MACROD2: variants seen among roughly 807,000 people sequenced by gnomAD.
MACROD2 encodes ADP-ribose glycohydrolase MACROD2.
A neutral mutation model predicts 70.4 loss-of-function variants in MACROD2; 36 were observed. The observed-to-expected ratio is 0.51, with a 90% CI of 0.39 to 0.68. MACROD2 has a LOEUF of 0.68. Among genes scored for constraint, MACROD2 ranks in the 30% least tolerant of loss-of-function variants. The probability of loss-of-function intolerance (pLI) is 0.00; values close to 1 mark genes in which losing one functional copy is unlikely to be tolerated. For missense variants in MACROD2, 496 were observed against 538.4 expected, an observed-to-expected ratio of 0.92 and a Z score of 0.78; for synonymous variants, 172 against 178.8, an observed-to-expected ratio of 0.96 and a Z score of 0.30.
chr20:14,299,772 A>G (rs2082459255), intron 3 of MACROD2, among the ~76,000 whole-genome samples: 1 of 152,196 alleles, frequency 6.6e-6, no homozygotes, highest in Admixed American at 6.5e-5. Context: ...GGATAAGATT[A>G]CTTGTGGAAT....
chr20:15,598,125 C>G (rs1261936325), intron 8 of MACROD2, among the ~76,000 whole-genome samples: 1 of 152,118 alleles, frequency 6.6e-6, no homozygotes, highest in Non-Finnish European at 1.5e-5. Context: ...TGACCACACC[C>G]CACTTTCCCA....
At chr20:14,567,209 C>T (rs2123308797) in intron 4 of MACROD2, among the ~76,000 whole-genome samples, 1 of 152,072 alleles carries the variant, frequency 6.6e-6, no homozygotes, top group Non-Finnish European at 1.5e-5. Context: ...ATGATGTGCA[C>T]TGCTATTTTA....
intron 3 of MACROD2, among the ~76,000 whole-genome samples, chr20:14,162,371 A>G (rs1417177848): frequency 6.6e-6 from 1 of 152,198 alleles, no homozygotes; most frequent in Non-Finnish European, 1.5e-5. Flanking sequence ...GTTTTGAAAT[A>G]TCTGTTAGGT....
rs556205043 is a variant in MACROD2 at position 15,804,938 on chromosome 20, A to G, written c.646-57807A>G. On this transcript the variant is annotated intron_variant, in intron 8 of 17. Transcript: ENST00000684519. ...CAGCTCCCCTGACCAGCAGTGAGAT[A>G]ACGCCAAGATATTTTCTACACTGTC... Among the ~76,000 whole-genome samples the G allele has an allele frequency of 6.6e-5, 10 of 152,292 alleles. No homozygotes were observed. The South Asian group carries it at 1.5e-3, about 22-fold the overall frequency.
chr20:15,679,838 C>T (rs2050136374), intron 8 of MACROD2, among the ~76,000 whole-genome samples: 1 of 152,190 alleles, frequency 6.6e-6, no homozygotes, highest in Non-Finnish European at 1.5e-5. Context: ...CTTGAGGATT[C>T]CTGCTGTGCA....
chr20:14,902,412 A>T (rs1243841848), intron 5 of MACROD2, among the ~76,000 whole-genome samples: 2 of 152,218 alleles, frequency 1.3e-5, no homozygotes, highest in Non-Finnish European at 2.9e-5. Flanking sequence ...AACATTTCAA[A>T]GTAAAACAAG....
intron 3 of MACROD2, among the ~76,000 whole-genome samples, chr20:14,374,241 A>G (rs2083352184): frequency 6.6e-6 from 1 of 152,168 alleles, no homozygotes; most frequent in Non-Finnish European, 1.5e-5. Flanking sequence ...AAATCAAAAA[A>G]TTTAACTAGT....
chr20:15,596,503 T>G (rs1339760636), intron 8 of MACROD2, among the ~76,000 whole-genome samples: 1 of 152,166 alleles, frequency 6.6e-6, no homozygotes, highest in Admixed American at 6.5e-5. Context: ...ATGTGCTGGA[T>G]TTGGTCAACT....
At position 15,443,594 on chromosome 20, in the gene MACROD2, C is replaced by T. The variant is rs186596130; in HGVS notation, c.571+12159C>T. On this transcript the variant is annotated intron_variant, in intron 7 of 17. Coordinates refer to ENST00000684519, the MANE Select transcript of MACROD2 (RefSeq NM_001351661.2). ...GTTCCTAGATCTTCTTAAGCAATTGCGTTTTTGGTAAAATGCACTTTCCCT... is the reference window on the plus strand; with the variant it reads ...GTTCCTAGATCTTCTTAAGCAATTGTGTTTTTGGTAAAATGCACTTTCCCT... 3.9e-5 allele frequency among the ~76,000 whole-genome samples: 6 copies of T among 152,166 alleles called. No homozygotes were observed. The East Asian group carries it at 9.7e-4, about 24-fold the overall frequency.
At chr20:14,896,274 G>A (rs772182586) in intron 5 of MACROD2, among the ~76,000 whole-genome samples, 3 of 151,952 alleles carry the variant, frequency 2.0e-5, no homozygotes, top group Non-Finnish European at 4.4e-5. Flanking sequence ...CAGCCTGGGC[G>A]ACAGAGCGCA....
chr20:15,067,680 G>A (rs1441388265), intron 5 of MACROD2, among the ~76,000 whole-genome samples: 2 of 152,054 alleles, frequency 1.3e-5, no homozygotes, highest in Non-Finnish European at 2.9e-5. Flanking sequence ...TCTTTCAGAT[G>A]ACTATGTTTT....
intron 8 of MACROD2, among the ~76,000 whole-genome samples, chr20:15,544,361 A>G (rs1316167929): frequency 6.6e-6 from 1 of 152,252 alleles, no homozygotes; most frequent in Non-Finnish European, 1.5e-5. Flanking sequence ...GACAGTAGCA[A>G]GAATTTTTCT....
intron 5 of MACROD2, among the ~76,000 whole-genome samples, chr20:14,914,342 T>A (rs1320779368): frequency 6.6e-6 from 1 of 152,086 alleles, no homozygotes; most frequent in Non-Finnish European, 1.5e-5. Flanking sequence ...CTCAGGATAT[T>A]TAGTGTGTGG....
chr20:15,258,690 A>G (rs991539739), intron 6 of MACROD2, among the ~76,000 whole-genome samples: 2 of 152,098 alleles, frequency 1.3e-5, no homozygotes, highest in Non-Finnish European at 2.9e-5. Context: ...CCAATGCATG[A>G]TGACAGGTAA....
intron 5 of MACROD2, among the ~76,000 whole-genome samples, chr20:14,971,723 T>G (rs1331599946): frequency 6.6e-6 from 1 of 152,004 alleles, no homozygotes; most frequent in Non-Finnish European, 1.5e-5. Flanking sequence ...GCCCAAAGAT[T>G]GGTTGGATCA....
intron 7 of MACROD2, among the ~76,000 whole-genome samples, chr20:15,490,751 T>C (rs1296784833): frequency 6.6e-6 from 1 of 151,834 alleles, no homozygotes; most frequent in African/African-American, 2.4e-5. Context: ...AAGAAACAGG[T>C]AGTGAGGATG....
intron 5 of MACROD2, among the ~76,000 whole-genome samples, chr20:14,737,187 C>T (rs1319427730): frequency 1.3e-5 from 2 of 152,018 alleles, no homozygotes; most frequent in African/African-American, 2.4e-5. Context: ...CCTGCTTATG[C>T]GTGAGAACAT....
chr20:15,404,218 T>C lies in MACROD2; in HGVS notation c.541-27187T>C, dbSNP rs73107069. On this transcript the variant is annotated intron_variant, in intron 6 of 17. Coordinates refer to ENST00000684519, the MANE Select transcript of MACROD2 (RefSeq NM_001351661.2). ...TTTTTACTGAGTAGGGACATCTTGATAGAAATTTATTAACAGGATTTTGAT... is the reference window on the plus strand; with the variant it reads ...TTTTTACTGAGTAGGGACATCTTGACAGAAATTTATTAACAGGATTTTGAT... Among the ~76,000 whole-genome samples the C allele has an allele frequency of 3.9e-3, 587 of 152,372 alleles. 8 individuals carry two copies. Among genetic ancestry groups the C allele is most frequent in the Non-Finnish European group, 4.1e-3 (282 of 68,030 alleles).
At chr20:14,334,273 C>T (rs189810931) in intron 3 of MACROD2, among the ~76,000 whole-genome samples, 6 of 152,146 alleles carry the variant, frequency 3.9e-5, no homozygotes, top group Admixed American at 2.0e-4. Flanking sequence ...TGAGTGATGT[C>T]GATCTGTATT....
Sources: allele counts gnomAD v4.1 joint callset (sites outside exome capture counted in the v4.1 genomes callset), GRCh38; gene constraint gnomAD v4.1.1; transcripts MANE v1.5; gene names NCBI Gene and HGNC (gene_info 2026-07-23, HGNC 2026-07-21).